Variants in ASTN2 observed in about 807,000 individuals in gnomAD.
ASTN2 encodes astrotactin-2.
In ASTN2, 54 loss-of-function variants were observed where a neutral mutation model predicts 139.8. That is an observed-to-expected ratio of 0.39 (90% CI 0.31 to 0.48). The LOEUF (loss-of-function observed/expected upper bound fraction) is 0.48, where lower values mean the gene tolerates loss of function less well. Among genes scored for constraint, ASTN2 ranks in the 20% least tolerant of loss-of-function variants. ASTN2 has a pLI of 0.95. For missense variants in ASTN2, 1,565 were observed against 1,725.1 expected, an observed-to-expected ratio of 0.91 and a Z score of 1.64; for synonymous variants, 756 against 719.5, an observed-to-expected ratio of 1.05 and a Z score of -0.81.
chr9:116,885,059 G>A (rs866986506), intron 10 of ASTN2, among the ~76,000 whole-genome samples: 25 of 152,112 alleles, frequency 1.6e-4, no homozygotes, highest in South Asian at 8.3e-4. Context: ...TGGGATTAGA[G>A]ACCACCACAT....
chr9:117,092,060 G>T (rs999488956), intron 5 of ASTN2, among the ~76,000 whole-genome samples: 7 of 152,122 alleles, frequency 4.6e-5, no homozygotes, highest in African/African-American at 1.7e-4. Context: ...ACCCTGTGAA[G>T]GAGATGTAGT....
chr9:116,976,652 TA>T, intron 8 of ASTN2, 48 bp downstream of exon 8: 1 of 1,537,448 alleles, frequency 6.5e-7, no homozygotes, highest in Non-Finnish European at 8.9e-7. Context: ...ACAGAGGAGG[TA>T]AAAGTGGGTC....
chr9:117,358,058 G>A (rs1587977822), intron 1 of ASTN2, among the ~76,000 whole-genome samples: 1 of 152,198 alleles, frequency 6.6e-6, no homozygotes, highest in African/African-American at 2.4e-5. Flanking sequence ...AATCACAGAT[G>A]GTCCTATCCC....
chr9:116,515,081 C>T (rs958600822), intron 19 of ASTN2, among the ~76,000 whole-genome samples: 9 of 152,148 alleles, frequency 5.9e-5, no homozygotes, highest in East Asian at 1.9e-4. Context: ...CTCTCTTCTG[C>T]GTCAGTCACA....
intron 7 of ASTN2, among the ~76,000 whole-genome samples, chr9:116,990,711 C>A (rs1182571327): frequency 6.6e-6 from 1 of 152,206 alleles, no homozygotes; most frequent in African/African-American, 2.4e-5. Context: ...CAGAACAGTG[C>A]AGGTTCCCAT....
intron 21 of ASTN2, among the ~76,000 whole-genome samples, chr9:116,442,041 C>T (rs186955528): frequency 6.6e-6 from 1 of 152,292 alleles, no homozygotes; most frequent in African/African-American, 2.4e-5. Flanking sequence ...CTGCTATGGA[C>T]ACCACAAGGT....
chr9:116,718,970 C>A lies in ASTN2; in HGVS notation c.2806+6801G>T, dbSNP rs373391070. Among the ~76,000 whole-genome samples the A allele has an allele frequency of 7.8e-3, 200 of 25,778 alleles. 4 individuals carry two copies. Among genetic ancestry groups the A allele is most frequent in the African/African-American group, 0.028 (194 of 6,982 alleles). The allele number at this position is 25,778 out of a possible 152,430, so 16.9% of individuals were successfully genotyped here. ...TATATTTACATATCTATACCTGTAT[C>A]TGTACATATATATATATATATCTGC... On this transcript the variant is annotated intron_variant, in intron 16 of 22. Coordinates refer to ENST00000313400, the MANE Select transcript of ASTN2 (RefSeq NM_001365068.1).
rs556979427 is a variant in ASTN2, at chr9:117,120,875, C to A, written c.1168+20451G>T. On this transcript the variant is annotated intron_variant, in intron 4 of 22. Coordinates refer to ENST00000313400, the MANE Select transcript of ASTN2 (RefSeq NM_001365068.1). ...CTGTATCATATTCACATTTAATTCA[C>A]CAGTCTTGTCCCTTCAAAATTCAGA... 8.2e-4 allele frequency among the ~76,000 whole-genome samples: 125 copies of A among 152,258 alleles called. 2 individuals carry two copies. In the South Asian group the frequency reaches 0.024, roughly 30 times the overall value.
chr9:117,243,372 C>A (rs1214228590), intron 2 of ASTN2, among the ~76,000 whole-genome samples: 3 of 152,206 alleles, frequency 2.0e-5, no homozygotes, highest in Non-Finnish European at 2.9e-5. Flanking sequence ...ACCAACTTGC[C>A]TGAGGCCACC....
chr9:117,095,996 T>C, intron 5 of ASTN2, 48 bp downstream of exon 5: 3 of 1,551,950 alleles, frequency 1.9e-6, no homozygotes, highest in Non-Finnish European at 2.7e-6. Flanking sequence ...ATTTCCAGGA[T>C]TTCCTTCTAC....
chr9:116,674,066 T>C (rs1015930729), intron 16 of ASTN2, among the ~76,000 whole-genome samples: 4 of 152,224 alleles, frequency 2.6e-5, no homozygotes, highest in African/African-American at 9.6e-5. Context: ...CCTTCTTGCC[T>C]GGGGACTAGA....
intron 10 of ASTN2, among the ~76,000 whole-genome samples, chr9:116,964,218 T>TGGGG (rs751010287): frequency 0.037 from 2,524 of 68,154 alleles, 93 homozygotes; most frequent in African/African-American, 0.13. Flanking sequence ...TGCCCTGGGG[T>TGGGG]GTGTGTGTGT....
intron 7 of ASTN2, among the ~76,000 whole-genome samples, chr9:116,991,014 A>G (rs773777984): frequency 5.3e-5 from 8 of 152,186 alleles, no homozygotes; most frequent in South Asian, 4.1e-4. Context: ...ACGTAAATCC[A>G]TACTCCAACT....
At chr9:117,331,239 C>T (rs1407842313) in intron 1 of ASTN2, among the ~76,000 whole-genome samples, 1 of 152,166 alleles carries the variant, frequency 6.6e-6, no homozygotes, top group Admixed American at 6.6e-5. Context: ...ATGGGGGAAC[C>T]TGAGCTATTA....
In ASTN2 at chr9:116,698,614, T is replaced by G. The variant is rs762907412; in HGVS notation, c.2806+27157A>C. The G allele has an allele frequency of 6.2e-7, 1 of 1,614,100 alleles. No homozygotes were observed. The highest frequency in any genetic ancestry group is 8.5e-7 in the Non-Finnish European group (1 of 1,180,022). On this transcript the variant is annotated intron_variant, in intron 16 of 22. Transcript: ENST00000313400. This position sits in a 1 kb window ranked among gnomAD's most constrained non-coding sequence, Gnocchi z 4.4. The stretch of plus-strand genomic sequence containing the variant: ...GTAGGTCATGTTGGCCCCCTCCAAA[T>G]TGGACAAGCTGTTAAGAAGCCCCGG...
At chr9:116,826,664 C>T (rs943299) in intron 11 of ASTN2, among the ~76,000 whole-genome samples, 119,947 of 151,298 alleles carry the variant, frequency 0.79, 47,743 homozygotes, top group East Asian at 0.91. Flanking sequence ...TCTACCCATA[C>T]ATCAGGCCCA....
At position 116,534,090 on chromosome 9, in the gene ASTN2, G is replaced by A. The variant is rs185923979; in HGVS notation, c.3356-46590C>T. On this transcript the variant is annotated intron_variant, in intron 19 of 22. Coordinates refer to ENST00000313400, the MANE Select transcript of ASTN2 (RefSeq NM_001365068.1). ...CAACTTCTTCCTGGTTTAGTCTTGG[G>A]AGGGTGGATGTGTCCAGGAATTTAT... 3.8e-3 allele frequency among the ~76,000 whole-genome samples: 572 copies of A among 152,288 alleles called. 1 individual carries two copies. The highest frequency in any genetic ancestry group is 0.017 in the Middle Eastern group (5 of 294).
chr9:116,846,049 G>A (rs1408788584), intron 11 of ASTN2, among the ~76,000 whole-genome samples: 1 of 152,136 alleles, frequency 6.6e-6, no homozygotes, highest in Non-Finnish European at 1.5e-5. Context: ...TCTGACACAC[G>A]CTGCAGCATG....
chr9:116,880,693 T>G (rs749365420), intron 10 of ASTN2, among the ~76,000 whole-genome samples: 1 of 152,142 alleles, frequency 6.6e-6, no homozygotes, highest in Non-Finnish European at 1.5e-5. Context: ...GGCTCTTCTG[T>G]GTCTCCCTTC....
Sources: gnomAD v4.1 joint callset for allele counts (sites outside exome capture counted in the v4.1 genomes callset) on GRCh38, gnomAD v4.1.1 for gene constraint, Gnocchi (gnomAD v3.1) non-coding constraint, MANE v1.5 for transcripts, NCBI Gene and HGNC (gene_info 2026-07-23, HGNC 2026-07-21) for gene names.